PDE6B: variants seen among roughly 807,000 people sequenced by gnomAD.
PDE6B encodes rod cGMP-specific 3',5'-cyclic phosphodiesterase subunit beta.
In PDE6B, 106 loss-of-function variants were observed where a neutral mutation model predicts 109.0. The ratio of observed to expected loss-of-function variants is 0.97; its 90% CI spans 0.83 to 1.14. The LOEUF is 1.14. Among genes scored for constraint, PDE6B ranks in the 50% most tolerant of loss-of-function variants. PDE6B has a pLI of 0.00. For missense variants in PDE6B, 1,193 were observed against 1,155.6 expected, an observed-to-expected ratio of 1.03 and a Z score of -0.47; for synonymous variants, 490 against 471.3, an observed-to-expected ratio of 1.04 and a Z score of -0.51.
intron 21 of PDE6B, 91 bp downstream of exon 21, chr4:668,097 G>A (rs1738011877): frequency 2.3e-6 from 3 of 1,290,498 alleles, no homozygotes; most frequent in Non-Finnish European, 3.3e-6. Flanking sequence ...TTAAAATGGA[G>A]AAAAGCAGAG....
At chr4:632,889 G>T (rs1290838508) in intron 1 of PDE6B, among the ~76,000 whole-genome samples, 1 of 152,172 alleles carries the variant, frequency 6.6e-6, no homozygotes, top group African/African-American at 2.4e-5. Context: ...CAGGTGTCAT[G>T]CTGTGAAGAT....
intron 16 of PDE6B, 48 bp from the exon 17 acceptor site, chr4:664,066 G>A: frequency 7.5e-7 from 1 of 1,339,754 alleles, no homozygotes; most frequent in Non-Finnish European, 1.1e-6. Flanking sequence ...TTGGGGCGGG[G>A]TCTCCACACT....
intron 12 of PDE6B, chr4:661,890 G>C: frequency 1.8e-6 from 1 of 551,084 alleles, no homozygotes; most frequent in Middle Eastern, 4.9e-4. Flanking sequence ...CTGAAGGCTG[G>C]GGCTGTTCTC....
rs1577296490 is a variant in PDE6B, at chr4:662,125, C to T, written c.1615-9C>T. On this transcript the variant is annotated splice_polypyrimidine_tract_variant and intron_variant, in intron 12 of 21. Coordinates refer to ENST00000496514, the MANE Select transcript of PDE6B (RefSeq NM_000283.4). This position sits in a 1 kb window ranked among gnomAD's most constrained non-coding sequence, Gnocchi z 4.3. Reference sequence around the variant, plus strand: ...CCGCCGGAGCCCTGTGTCCTCTCGGCTCCCCCAGGTCCTGGTGCGGTTCCT... The same window carrying T: ...CCGCCGGAGCCCTGTGTCCTCTCGGTTCCCCCAGGTCCTGGTGCGGTTCCT... The T allele has an allele frequency of 2.1e-6, 3 of 1,461,992 alleles. No homozygotes were observed. The allele number at this position is 1,461,992 out of a possible 1,614,324, so 90.6% of individuals were successfully genotyped here.
chr4:669,996 G>C (rs751567742), intron 21 of PDE6B, 50 bp from the exon 22 acceptor site: 11 of 1,472,840 alleles, frequency 7.5e-6, no homozygotes, highest in Non-Finnish European at 9.5e-6. Context: ...AAGGAATAGG[G>C]CTGGTGTGCA....
At chr4:659,599 G>A (rs939585403) in intron 11 of PDE6B, among the ~76,000 whole-genome samples, 1 of 145,716 alleles carries the variant, frequency 6.9e-6, no homozygotes, top group Admixed American at 6.7e-5. Flanking sequence ...GTGGGTATGT[G>A]TGTGCGTGTG....
At position 656,278 on chromosome 4, in the gene PDE6B, A is replaced by C; in HGVS notation, c.1093A>C (p.Met365Leu). Residue 365 changes from methionine to leucine, a missense_variant, in exon 8 of 22, where the codon ATG becomes CTG. By Grantham distance (15) the Met-to-Leu change is conservative. Transcript: ENST00000496514. ...CNIMNASADE[M>L]FKFQEGALDD... The stretch of plus-strand genomic sequence containing the variant: ...CATCATGAATGCTTCCGCTGACGAA[A>C]TGTTCAAATTTCAGGTATCTGTCTG... 1 of 1,589,636 alleles carries C rather than the reference A, an allele frequency of 6.3e-7. No individual in the cohort carries two copies. Among genetic ancestry groups the C allele is most frequent in the Non-Finnish European group, 8.6e-7 (1 of 1,157,770 alleles).
In PDE6B at chr4:662,438, A is replaced by C; in HGVS notation, c.1723-71A>C. On this transcript the variant is annotated intron_variant, in intron 13 of 21. Coordinates refer to ENST00000496514, the MANE Select transcript of PDE6B (RefSeq NM_000283.4). This position sits in a 1 kb window ranked among gnomAD's most constrained non-coding sequence, Gnocchi z 4.3. ...CAACCTCCAACCCGACGCCTAGGTC[A>C]TCCCAACCCCTCACCACTCCCCACC... is the stretch of plus-strand genomic sequence containing the variant. 5 of 1,125,118 alleles carry C rather than the reference A, an allele frequency of 4.4e-6. No individual in the cohort carries two copies. The South Asian group carries it at 6.2e-5, about 14-fold the overall frequency. 69.7% of individuals were successfully genotyped at this position (1,125,118 alleles called of 1,614,324 possible). A position where few individuals can be genotyped will look rare whatever the true frequency, so the allele number is the denominator to read the frequency against.
chr4:633,632 G>A lies in PDE6B; in HGVS notation c.469-1045G>A, dbSNP rs1205401245. Among the ~76,000 whole-genome samples, 1 of 152,192 alleles carries A rather than the reference G, an allele frequency of 6.6e-6. No individual in the cohort carries two copies. The highest frequency in any genetic ancestry group is 1.5e-5 in the Non-Finnish European group (1 of 68,026). Reference sequence around the variant, plus strand: ...GGCGCAGTGGCTGAGGGCAGAGCCTGTTATTTTTGCCCCATTGACTGGTGA... The same window carrying A: ...GGCGCAGTGGCTGAGGGCAGAGCCTATTATTTTTGCCCCATTGACTGGTGA... On this transcript the variant is annotated intron_variant, in intron 1 of 21. Transcript: ENST00000496514. The surrounding 1 kb of genome is among the most constrained non-coding windows in gnomAD (Gnocchi z 4.5).
chr4:660,867 G>A (rs1029084026), intron 12 of PDE6B, among the ~76,000 whole-genome samples: 1 of 151,890 alleles, frequency 6.6e-6, no homozygotes, highest in African/African-American at 2.4e-5. Context: ...TGGGTGAAAA[G>A]CAGGGAGGAA....
At position 626,051 on chromosome 4, in the gene PDE6B, T is replaced by C; in HGVS notation, c.425T>C (p.Val142Ala). The C allele has an allele frequency of 6.3e-7, 1 of 1,596,514 alleles. No individual in the cohort carries two copies. ...FPLDIGVVGH[V>A]AQTKKMVNVE... ...CTGGACATCGGGGTCGTGGGCCACG[T>C]GGCTCAGACCAAAAAGATGGTGAAC... The change falls in exon 1 of 22, where the codon GTG (valine) becomes GCG (alanine). Residue 142 changes from valine (V) to alanine (A), a missense_variant. Transcript: ENST00000496514. The surrounding 1 kb of genome is among the most constrained non-coding windows in gnomAD (Gnocchi z 4.6).
intron 3 of PDE6B, among the ~76,000 whole-genome samples, chr4:650,621 C>T (rs10023472): frequency 0.13 from 19,865 of 152,264 alleles, 1,415 homozygotes; most frequent in East Asian, 0.21. Context: ...CACCAAGACT[C>T]CCAGCAGTCA....
In PDE6B at chr4:662,088, C is replaced by T; in HGVS notation, c.1615-46C>T. The T allele has an allele frequency of 1.1e-6, 1 of 927,112 alleles. No individual in the cohort carries two copies. The highest frequency in any genetic ancestry group is 1.4e-5 in the South Asian group (1 of 71,820). 57.4% of individuals were successfully genotyped at this position (927,112 alleles called of 1,614,324 possible). The stretch of plus-strand genomic sequence containing the variant: ...AGCCACAGGTGCCGCTCTGGCGGGA[C>T]TTACACGCTTGCCGCCGGAGCCCTG... On this transcript the variant is annotated intron_variant, in intron 12 of 21. Coordinates refer to ENST00000496514, the MANE Select transcript of PDE6B (RefSeq NM_000283.4). This position sits in a 1 kb window ranked among gnomAD's most constrained non-coding sequence, Gnocchi z 4.3.
chr4:625,762 A>G lies in PDE6B; in HGVS notation c.136A>G (p.Ser46Gly). 6.2e-7 allele frequency: 1 copy of G among 1,613,436 alleles called. No homozygotes were observed. Among genetic ancestry groups the G allele is most frequent in the South Asian group, 1.1e-5 (1 of 91,078 alleles). ...CEDGCPPDCD[S>G]LRDLCQVEES... Reference sequence around the variant, plus strand: ...GGACGGGTGCCCGCCGGACTGCGACAGCCTCCGGGACCTCTGCCAGGTGGA... The same window carrying G: ...GGACGGGTGCCCGCCGGACTGCGACGGCCTCCGGGACCTCTGCCAGGTGGA... The change falls in exon 1 of 22, where the codon AGC (serine) becomes GGC (glycine). Residue 46 changes from serine (S) to glycine (G), a missense_variant. Transcript: ENST00000496514. This position sits in a 1 kb window ranked among gnomAD's most constrained non-coding sequence, Gnocchi z 5.0.
At chr4:645,121 G>C (rs1560109988) in intron 3 of PDE6B, among the ~76,000 whole-genome samples, 1 of 151,878 alleles carries the variant, frequency 6.6e-6, no homozygotes, top group African/African-American at 2.4e-5. Flanking sequence ...CTACCCCAGT[G>C]TCTTTGGATT....
rs1360878639 is a variant in PDE6B at position 634,838 on chromosome 4, G to A, written c.621+9G>A. On this transcript the variant is annotated intron_variant, in intron 2 of 21. Transcript: ENST00000496514. Reference sequence around the variant, plus strand: ...CCAGCGAAGACGAAGATGTGAGTGTGGGGGGCACCTGGGCAGCCGCGCGTC... The same window carrying A: ...CCAGCGAAGACGAAGATGTGAGTGTAGGGGGCACCTGGGCAGCCGCGCGTC... The A allele has an allele frequency of 2.5e-6, 4 of 1,612,640 alleles. No homozygotes were observed. Among genetic ancestry groups the A allele is most frequent in the Non-Finnish European group, 3.4e-6 (4 of 1,178,848 alleles).
chr4:651,212 G>C (rs1046816226), intron 3 of PDE6B, among the ~76,000 whole-genome samples: 57 of 147,316 alleles, frequency 3.9e-4, no homozygotes, highest in African/African-American at 1.3e-3. Context: ...GGCTGAGGCG[G>C]CGATGTCAAC....
chr4:645,929 A>G (rs922134108), intron 3 of PDE6B, among the ~76,000 whole-genome samples: 2 of 152,208 alleles, frequency 1.3e-5, no homozygotes, highest in Non-Finnish European at 2.9e-5. Context: ...CCACCCTTAT[A>G]AAATTTCTGC....
At chr4:645,958 A>G (rs933602363) in intron 3 of PDE6B, among the ~76,000 whole-genome samples, 2 of 152,042 alleles carry the variant, frequency 1.3e-5, no homozygotes, top group Non-Finnish European at 2.9e-5. Context: ...TTACTTATCC[A>G]CGTGCTATAA....
Sources: allele counts gnomAD v4.1 joint callset (sites outside exome capture counted in the v4.1 genomes callset), GRCh38; gene constraint gnomAD v4.1.1; non-coding constraint Gnocchi (gnomAD v3.1); transcripts MANE v1.5; gene names NCBI Gene and HGNC (gene_info 2026-07-23, HGNC 2026-07-21).